The following UBE2B variants were observed in gnomAD, a reference collection of about 807,000 sequenced individuals.
UBE2B encodes ubiquitin conjugating enzyme E2 B.
Under a neutral mutation model 24.6 loss-of-function variants are expected in UBE2B, and 11 were observed. The ratio of observed to expected loss-of-function variants is 0.45; its 90% CI spans 0.28 to 0.74. UBE2B has a LOEUF of 0.74. Ranked by LOEUF, UBE2B falls within the 30% of genes least tolerant of loss-of-function variation. UBE2B has a pLI of 0.13. For synonymous variants in UBE2B, 68 were observed against 62.4 expected, an observed-to-expected ratio of 1.09 and a Z score of -0.42; for missense variants, 78 against 185.6, an observed-to-expected ratio of 0.42 and a Z score of 3.37.
intron 3 of UBE2B, among the ~76,000 whole-genome samples, chr5:134,379,030 ATACT>A (rs754999944): frequency 1.1e-4 from 17 of 152,006 alleles, no homozygotes; most frequent in East Asian, 1.9e-4. Context: ...CAGCTTCCTG[ATACT>A]TACTTTTTGA....
Position 134,380,733 on chromosome 5 carries a change from G to C in UBE2B, c.166G>C (p.Val56Leu), listed in dbSNP as rs780470355. The change falls in exon 4 of 6, where the codon GTA becomes CTA. Residue 56 changes from valine (V) to leucine (L), a missense_variant. Coordinates refer to ENST00000265339, the MANE Select transcript of UBE2B (RefSeq NM_003337.4). ...TPFEDGTFKL[V>L]IEFSEEYPNK... ...TTTCTCTCTAGGTACTTTTAAACTA[G>C]TAATAGAATTTTCTGAAGAATATCC... 1 of 1,561,960 alleles carries C rather than the reference G, an allele frequency of 6.4e-7. No homozygotes were observed. The highest frequency in any genetic ancestry group is 8.8e-7 in the Non-Finnish European group (1 of 1,133,622).
At chr5:134,375,825 A>G (rs1023389622) in intron 2 of UBE2B, among the ~76,000 whole-genome samples, 3 of 144,372 alleles carry the variant, frequency 2.1e-5, no homozygotes, top group Non-Finnish European at 4.5e-5. Context: ...AAAAAAAAAA[A>G]ACTTTATGCT....
rs534603757 is a variant in UBE2B at position 134,388,418 on chromosome 5, G to A, written c.330+5G>A. 8 of 1,611,830 alleles carry A rather than the reference G, an allele frequency of 5.0e-6. No individual in the cohort carries two copies. In the Admixed American group the frequency reaches 5.0e-5, roughly 10 times the overall value. On this transcript the variant is annotated splice_donor_5th_base_variant and intron_variant, in intron 5 of 5. Transcript: ENST00000265339. ...TCTATCTTAACATCAATTCAGGTAA[G>A]TGTGTGTTAGGATGTATTATAATTT...
intron 2 of UBE2B, among the ~76,000 whole-genome samples, chr5:134,375,715 C>T (rs1581319459): frequency 2.8e-5 from 4 of 141,340 alleles, no homozygotes; most frequent in East Asian, 2.2e-4. Flanking sequence ...AGGAGAATGG[C>T]GTGAACCCCA....
In UBE2B at chr5:134,391,902, G is replaced by A. The variant is rs537896962; in HGVS notation, c.*1549G>A. On this transcript the variant is annotated 3_prime_UTR_variant, in exon 6 of 6. Coordinates refer to ENST00000265339, the MANE Select transcript of UBE2B (RefSeq NM_003337.4). ...AATAGCTTATGCCTAGGAGGTTGAG[G>A]CTGCAGTGAGCTGTGATTATGCCAT... The A allele has an allele frequency of 6.6e-6, 1 of 152,186 alleles. No homozygotes were observed. The highest frequency in any genetic ancestry group is 1.5e-5 in the Non-Finnish European group (1 of 68,052). 9.4% of individuals were successfully genotyped at this position (152,186 alleles called of 1,614,324 possible). A position where few individuals can be genotyped will look rare whatever the true frequency, so the allele number is the denominator to read the frequency against.
At position 134,371,601 on chromosome 5, in the gene UBE2B, G is replaced by C. The variant is rs201989843; in HGVS notation, c.6G>C (p.Ser2=). 2 of 1,612,550 alleles carry C rather than the reference G, an allele frequency of 1.2e-6. No individual in the cohort carries two copies. The highest frequency in any genetic ancestry group is 4.5e-5 in the East Asian group (2 of 44,812). Reference sequence around the variant, plus strand: ...CCGCGGGGCAGCTGCGGAGCATGTCGACCCCGGCCCGGAGGAGGCTCATGC... The same window carrying C: ...CCGCGGGGCAGCTGCGGAGCATGTCCACCCCGGCCCGGAGGAGGCTCATGC... The part of the protein sequence containing the change: M[S]TPARRRLMRD... The change falls in exon 1 of 6, where the codon TCG becomes TCC. Residue 2 remains serine, a synonymous_variant. Coordinates refer to ENST00000265339, the MANE Select transcript of UBE2B (RefSeq NM_003337.4).
chr5:134,373,324 T>G lies in UBE2B; in HGVS notation c.45-1059T>G, dbSNP rs182724839. 1.0e-3 allele frequency among the ~76,000 whole-genome samples: 153 copies of G among 152,024 alleles called. 1 individual carries two copies. The South Asian group carries it at 0.024, about 23-fold the overall frequency. On this transcript the variant is annotated intron_variant, in intron 1 of 5. Coordinates refer to ENST00000265339, the MANE Select transcript of UBE2B (RefSeq NM_003337.4). Reference sequence around the variant, plus strand: ...CACTGAGGTTTGCTTTTTTTTTTTTTCTTGTAGCCATTTTGCAGAAGTAGC... The same window carrying G: ...CACTGAGGTTTGCTTTTTTTTTTTTGCTTGTAGCCATTTTGCAGAAGTAGC...
intron 2 of UBE2B, among the ~76,000 whole-genome samples, chr5:134,376,162 C>T (rs1489607198): frequency 1.3e-5 from 2 of 149,142 alleles, no homozygotes; most frequent in South Asian, 2.1e-4. Flanking sequence ...GGTGAAACCC[C>T]GTTTCTACTA....
chr5:134,389,340 G>A (rs1758861678), intron 5 of UBE2B, among the ~76,000 whole-genome samples: 1 of 152,100 alleles, frequency 6.6e-6, no homozygotes, highest in Non-Finnish European at 1.5e-5. Flanking sequence ...AAGGAAATAA[G>A]ACTTATCTCC....
chr5:134,387,235 G>C (rs1232219422), intron 4 of UBE2B, among the ~76,000 whole-genome samples: 2 of 152,024 alleles, frequency 1.3e-5, no homozygotes, highest in Non-Finnish European at 2.9e-5. Flanking sequence ...TGGGATTATG[G>C]GTGTGAGCCA....
intron 4 of UBE2B, among the ~76,000 whole-genome samples, chr5:134,387,659 C>A (rs1758829008): frequency 6.6e-6 from 1 of 152,200 alleles, no homozygotes; most frequent in Admixed American, 6.5e-5. Context: ...GACAAGTGAG[C>A]ACACAAGACA....
rs977424589 is a variant in UBE2B, at chr5:134,391,430, G to A, written c.*1077G>A. On this transcript the variant is annotated 3_prime_UTR_variant, in exon 6 of 6. Coordinates refer to ENST00000265339, the MANE Select transcript of UBE2B (RefSeq NM_003337.4). ...AGTTGTACTGCATCTTAGTTTACTG[G>A]ATAAATTTAAAACACAGTATTGTAG... The A allele has an allele frequency of 6.6e-6, 1 of 152,402 alleles. No homozygotes were observed. The highest frequency in any genetic ancestry group is 2.4e-5 in the African/African-American group (1 of 41,354). 9.4% of individuals were successfully genotyped at this position (152,402 alleles called of 1,614,324 possible).
At chr5:134,381,292 G>C (rs1226954400) in intron 4 of UBE2B, among the ~76,000 whole-genome samples, 1 of 151,996 alleles carries the variant, frequency 6.6e-6, no homozygotes, top group African/African-American at 2.4e-5. Context: ...GTTATACTCT[G>C]TCACCCCTGC....
At chr5:134,372,744 TA>T (rs951378319) in intron 1 of UBE2B, among the ~76,000 whole-genome samples, 21 of 152,332 alleles carry the variant, frequency 1.4e-4, no homozygotes, top group African/African-American at 5.1e-4. Context: ...CGTGGTGGCC[TA>T]ATTTGCTTGA....
At chr5:134,388,946 GTTTTTTTT>G in intron 5 of UBE2B, 19 of 172,218 alleles carry the variant, frequency 1.1e-4, no homozygotes, top group Admixed American at 2.3e-4. Flanking sequence ...TTCTTTAATT[GTTTTTTTT>G]TTTTTTTTTT....
At chr5:134,374,116 T>C (rs1352377438) in intron 1 of UBE2B, among the ~76,000 whole-genome samples, 1 of 152,222 alleles carries the variant, frequency 6.6e-6, no homozygotes, top group Admixed American at 6.5e-5. Context: ...GTAAAAGTGT[T>C]CCTATGCATC....
At chr5:134,378,419 C>G (rs1475047416) in intron 3 of UBE2B, among the ~76,000 whole-genome samples, 2 of 151,984 alleles carry the variant, frequency 1.3e-5, no homozygotes, top group Non-Finnish European at 2.9e-5. Flanking sequence ...GCTACCATGC[C>G]CGGCTAATTT....
At chr5:134,372,703 C>T (rs1758496903) in intron 1 of UBE2B, among the ~76,000 whole-genome samples, 1 of 152,160 alleles carries the variant, frequency 6.6e-6, no homozygotes, top group Admixed American at 6.5e-5. Context: ...AGGTAGGCGT[C>T]AAGCAGTGCA....
chr5:134,379,705 TTG>T (rs1287681073), intron 3 of UBE2B, among the ~76,000 whole-genome samples: 3 of 151,770 alleles, frequency 2.0e-5, no homozygotes, highest in Non-Finnish European at 4.4e-5. Flanking sequence ...AAGTACATAT[TTG>T]TGTGAGGCCA....
Sources: allele counts gnomAD v4.1 joint callset (sites outside exome capture counted in the v4.1 genomes callset), GRCh38; gene constraint gnomAD v4.1.1; transcripts MANE v1.5; gene names NCBI Gene and HGNC (gene_info 2026-07-23, HGNC 2026-07-21).